The following GPC6 variants were observed in gnomAD, a reference collection of about 807,000 sequenced individuals.
GPC6 encodes the protein glypican-6.
A neutral mutation model predicts 55.2 loss-of-function variants in GPC6; 14 were observed. The observed-to-expected ratio is 0.25, with a 90% CI of 0.17 to 0.40. The LOEUF (loss-of-function observed/expected upper bound fraction) is 0.40. Among genes scored for constraint, GPC6 ranks in the 10% least tolerant of loss-of-function variants. GPC6 has a pLI of 1.00. For synonymous variants in GPC6, 278 were observed against 259.6 expected (o/e 1.07, Z -0.68); for missense variants, 641 against 708.5 (o/e 0.90, Z 1.08).
chr13:93,915,054 G>A (rs1472063116), intron 3 of GPC6, among the ~76,000 whole-genome samples: 1 of 152,056 alleles, frequency 6.6e-6, no homozygotes, highest in Non-Finnish European at 1.5e-5. Flanking sequence ...TTTCAATGCA[G>A]CCCCTCCTGA....
chr13:93,786,635 C>T (rs754613367), intron 2 of GPC6, among the ~76,000 whole-genome samples: 10 of 150,130 alleles, frequency 6.7e-5, no homozygotes, highest in Non-Finnish European at 8.9e-5. Context: ...AATTGTTTGA[C>T]GACTGAAAAC....
At chr13:93,924,831 T>A (rs565405033) in intron 3 of GPC6, among the ~76,000 whole-genome samples, 6 of 152,226 alleles carry the variant, frequency 3.9e-5, no homozygotes, top group African/African-American at 1.4e-4. Flanking sequence ...TTAAGTTAAT[T>A]TACTTTTTAA....
intron 4 of GPC6, among the ~76,000 whole-genome samples, chr13:94,209,913 A>G (rs780183613): frequency 6.6e-6 from 1 of 152,018 alleles, no homozygotes; most frequent in Non-Finnish European, 1.5e-5. Context: ...TGGCACGAAC[A>G]CAGCTCACTA....
At chr13:94,313,288 T>C (rs1254172427) in intron 6 of GPC6, among the ~76,000 whole-genome samples, 8 of 152,196 alleles carry the variant, frequency 5.3e-5, no homozygotes, top group Admixed American at 5.2e-4. Flanking sequence ...GATATTCTGC[T>C]TATTCCATGG....
chr13:93,723,872 A>T (rs1883536592), intron 2 of GPC6, among the ~76,000 whole-genome samples: 1 of 152,090 alleles, frequency 6.6e-6, no homozygotes, highest in South Asian at 2.1e-4. Flanking sequence ...ACCTAGTTGT[A>T]TGTGTTGATA....
At chr13:93,982,183 C>G (rs192386617) in intron 3 of GPC6, among the ~76,000 whole-genome samples, 4 of 152,220 alleles carry the variant, frequency 2.6e-5, no homozygotes, top group African/African-American at 9.6e-5. Flanking sequence ...CTAAACAGAA[C>G]AAGACTTTCC....
At chr13:93,518,534 A>G (rs1407769622) in intron 1 of GPC6, among the ~76,000 whole-genome samples, 2 of 152,030 alleles carry the variant, frequency 1.3e-5, no homozygotes, top group African/African-American at 2.4e-5. Context: ...TAAAATATGT[A>G]TAAATTGAAC....
At chr13:93,995,095 G>A (rs1326926056) in intron 3 of GPC6, among the ~76,000 whole-genome samples, 2 of 151,940 alleles carry the variant, frequency 1.3e-5, no homozygotes, top group Admixed American at 1.3e-4. Flanking sequence ...ACAAAATCAT[G>A]GCCCCTGCAT....
chr13:93,328,616 A>G (rs915644985), intron 1 of GPC6, among the ~76,000 whole-genome samples: 2 of 151,872 alleles, frequency 1.3e-5, no homozygotes, highest in Non-Finnish European at 2.9e-5. Context: ...TCAAGGCTAC[A>G]GTGAGCTGTG....
At chr13:93,603,924 AT>A (rs984760524) in intron 2 of GPC6, among the ~76,000 whole-genome samples, 3 of 152,260 alleles carry the variant, frequency 2.0e-5, no homozygotes, top group African/African-American at 7.2e-5. Context: ...GATAACAAAA[AT>A]CATTACTTGT....
At chr13:93,898,038 A>G (rs2140324227) in intron 3 of GPC6, among the ~76,000 whole-genome samples, 1 of 152,304 alleles carries the variant, frequency 6.6e-6, no homozygotes, top group African/African-American at 2.4e-5. Context: ...CCATCAGAAA[A>G]TATTGTTTAT....
At chr13:94,339,164 A>C (rs1051907950) in intron 6 of GPC6, among the ~76,000 whole-genome samples, 5 of 152,170 alleles carry the variant, frequency 3.3e-5, no homozygotes, top group African/African-American at 1.2e-4. Context: ...TCCTGGGCTC[A>C]AGCAGTCCTC....
chr13:94,098,180 G>A (rs1885733154), intron 4 of GPC6, among the ~76,000 whole-genome samples: 1 of 152,172 alleles, frequency 6.6e-6, no homozygotes, highest in Non-Finnish European at 1.5e-5. Context: ...TATTTTTAAT[G>A]CATTTCATAG....
At chr13:93,387,288 A>G (rs1166107170) in intron 1 of GPC6, among the ~76,000 whole-genome samples, 3 of 152,164 alleles carry the variant, frequency 2.0e-5, no homozygotes, top group South Asian at 2.1e-4. Flanking sequence ...TAAGGCCCGC[A>G]TGCACCAGGT....
chr13:93,681,099 T>C (rs1322569792), intron 2 of GPC6, among the ~76,000 whole-genome samples: 1 of 152,204 alleles, frequency 6.6e-6, no homozygotes, highest in Non-Finnish European at 1.5e-5. Context: ...TTTGCTTCCA[T>C]GACTGTTAAG....
chr13:93,565,157 G>T (rs1259336121), intron 2 of GPC6, among the ~76,000 whole-genome samples: 2 of 152,020 alleles, frequency 1.3e-5, no homozygotes, highest in Non-Finnish European at 2.9e-5. Context: ...CCTGACTTCA[G>T]TGCCTTTAAC....
chr13:94,240,875 G>A (rs1891036259), intron 4 of GPC6, among the ~76,000 whole-genome samples: 1 of 152,040 alleles, frequency 6.6e-6, no homozygotes, highest in Admixed American at 6.6e-5. Flanking sequence ...AGCTCCTGAG[G>A]GTATATTGCA....
intron 2 of GPC6, among the ~76,000 whole-genome samples, chr13:93,573,844 G>T (rs555230313): frequency 6.6e-6 from 1 of 152,118 alleles, no homozygotes; most frequent in East Asian, 1.9e-4. Context: ...CCCTTTCTCT[G>T]CTCATCCATT....
At chr13:93,582,818 A>G (rs4773751) in intron 2 of GPC6, among the ~76,000 whole-genome samples, 3,162 of 152,304 alleles carry the variant, frequency 0.021, 127 homozygotes, top group East Asian at 0.096. Context: ...TGCTAGGAAA[A>G]GCGAAGTGAA....
Sources: allele counts gnomAD v4.1 joint callset (sites outside exome capture counted in the v4.1 genomes callset), GRCh38; gene constraint gnomAD v4.1.1; transcripts MANE v1.5; gene names NCBI Gene and HGNC (gene_info 2026-07-23, HGNC 2026-07-21).